PRKCD: variants seen among roughly 807,000 people sequenced by gnomAD.
PRKCD encodes the protein protein kinase C delta type.
PRKCD carries 20 observed loss-of-function variants against 82.2 expected under a neutral mutation model. The observed-to-expected ratio is 0.24, with a 90% CI of 0.17 to 0.35. The LOEUF (loss-of-function observed/expected upper bound fraction) is 0.35. Ranked by LOEUF, PRKCD falls within the 10% of genes least tolerant of loss-of-function variation. The pLI, the probability that PRKCD is intolerant of heterozygous loss-of-function variation, is 1.00. For missense variants in PRKCD, 607 were observed against 899.0 expected (o/e 0.68, Z 4.15); for synonymous variants, 317 against 337.0 (o/e 0.94, Z 0.65).
intron 9 of PRKCD, among the ~76,000 whole-genome samples, chr3:53,184,544 G>A (rs553978904): frequency 7.9e-5 from 12 of 151,728 alleles, no homozygotes; most frequent in South Asian, 2.1e-4. Context: ...ATATGGTGGC[G>A]CATGCCTGTA....
At position 53,178,408 on chromosome 3, in the gene PRKCD, A is replaced by C. The variant is rs571690198; in HGVS notation, c.-15A>C. The C allele has an allele frequency of 2.5e-6, 4 of 1,606,724 alleles. No homozygotes were observed. The highest frequency in any genetic ancestry group is 4.5e-5 in the East Asian group (2 of 44,798). Reference sequence around the variant, plus strand: ...CTCACCCCTCTGTGTGCACAGCCCCACTGCAGGCCCCACCATGGCGCCGTT... The same window carrying C: ...CTCACCCCTCTGTGTGCACAGCCCCCCTGCAGGCCCCACCATGGCGCCGTT... On this transcript the variant is annotated 5_prime_UTR_variant, in exon 3 of 19. Coordinates refer to ENST00000330452, the MANE Select transcript of PRKCD (RefSeq NM_006254.4).
At chr3:53,168,413 C>G (rs1553664243) in intron 2 of PRKCD, among the ~76,000 whole-genome samples, 4 of 151,956 alleles carry the variant, frequency 2.6e-5, no homozygotes, top group Non-Finnish European at 5.9e-5. Flanking sequence ...GACAGTGATG[C>G]AAACAGCAGG....
intron 2 of PRKCD, among the ~76,000 whole-genome samples, chr3:53,170,464 A>ATTGCCAC (rs1553664656): frequency 4.6e-5 from 7 of 152,180 alleles, no homozygotes; most frequent in African/African-American, 1.7e-4. Context: ...CAGGCCTGTG[A>ATTGCCAC]CTGCCACCTG....
chr3:53,168,900 GGGCAATGGGA>G (rs1269274827), intron 2 of PRKCD, among the ~76,000 whole-genome samples: 1 of 151,442 alleles, frequency 6.6e-6, no homozygotes, highest in Non-Finnish European at 1.5e-5. Context: ...CTTGTCAGAG[GGGCAATGGGA>G]GGCACTGGGG....
chr3:53,186,942 A>G, intron 14 of PRKCD, among the ~76,000 whole-genome samples: 1 of 152,216 alleles, frequency 6.6e-6, no homozygotes, highest in Non-Finnish European at 1.5e-5. Context: ...CGTGGGCCAC[A>G]GCCAGGGCAG....
At position 53,184,985 on chromosome 3, in the gene PRKCD, G is replaced by A. The variant is rs782414501; in HGVS notation, c.888+11G>A. ...AACCAAGTCACCCAGGTGGGCAGGT[G>A]CCATGGGGACCCTGGACACAGGGCA... On this transcript the variant is annotated intron_variant, in intron 10 of 18. Coordinates refer to ENST00000330452, the MANE Select transcript of PRKCD (RefSeq NM_006254.4). The A allele has an allele frequency of 6.2e-6, 10 of 1,612,426 alleles. No individual in the cohort carries two copies. In the African/African-American group the frequency reaches 1.3e-4, roughly 22 times the overall value.
At chr3:53,174,711 C>T (rs1703157410) in intron 2 of PRKCD, among the ~76,000 whole-genome samples, 1 of 152,134 alleles carries the variant, frequency 6.6e-6, no homozygotes, top group Non-Finnish European at 1.5e-5. Context: ...GAGTTGGTGG[C>T]AGAACCTGGC....
intron 2 of PRKCD, among the ~76,000 whole-genome samples, chr3:53,177,950 T>TTC (rs34431814): frequency 0.17 from 24,578 of 146,150 alleles, 2,374 homozygotes; most frequent in East Asian, 0.43. Flanking sequence ...CTTTTTCTTT[T>TTC]TTTTTTTTTT....
chr3:53,192,315 G>A lies in PRKCD; in HGVS notation c.*49G>A, dbSNP rs1389308499. The A allele has an allele frequency of 7.5e-6, 12 of 1,593,002 alleles. No homozygotes were observed. Among genetic ancestry groups the A allele is most frequent in the Admixed American group, 1.7e-5 (1 of 59,652 alleles). ...CCCTGCCCTCCACCCACACCTGCCCGCTCCCCACGATAAGCACCAGTGGGA... is the reference window on the plus strand; with the variant it reads ...CCCTGCCCTCCACCCACACCTGCCCACTCCCCACGATAAGCACCAGTGGGA... On this transcript the variant is annotated 3_prime_UTR_variant, in exon 19 of 19. Transcript: ENST00000330452.
chr3:53,177,909 C>T (rs554044142), intron 2 of PRKCD, among the ~76,000 whole-genome samples: 1 of 151,758 alleles, frequency 6.6e-6, no homozygotes, highest in East Asian at 1.9e-4. Flanking sequence ...CAAATCCAGA[C>T]TTACATAAAC....
chr3:53,185,710 G>T lies in PRKCD; in HGVS notation c.985+10G>T, dbSNP rs781842377. ...GGGGAGGACATGCAAGGTGAAGCTGGGTCCATTGCCCCATTACGGTTTTTA... is the reference window on the plus strand; with the variant it reads ...GGGGAGGACATGCAAGGTGAAGCTGTGTCCATTGCCCCATTACGGTTTTTA... On this transcript the variant is annotated intron_variant, in intron 11 of 18. Transcript: ENST00000330452. 5 of 1,611,442 alleles carry T rather than the reference G, an allele frequency of 3.1e-6. No homozygotes were observed. The highest frequency in any genetic ancestry group is 1.3e-5 in the African/African-American group (1 of 74,904).
intron 17 of PRKCD, 37 bp from the exon 18 acceptor site, chr3:53,189,836 C>T (rs1703856969): frequency 6.2e-7 from 1 of 1,613,176 alleles, no homozygotes; most frequent in Non-Finnish European, 8.5e-7. Context: ...TTTCCCATGG[C>T]CCTTGGGTGC....
At chr3:53,181,133 G>C (rs1703423529) in intron 4 of PRKCD, 74 bp from the exon 5 acceptor site, 21 of 1,517,406 alleles carry the variant, frequency 1.4e-5, no homozygotes, top group Non-Finnish European at 1.9e-5. Flanking sequence ...AGCCATGGGG[G>C]TGGGTTCTGA....
At chr3:53,166,840 C>T (rs1250604286) in intron 2 of PRKCD, among the ~76,000 whole-genome samples, 1 of 152,262 alleles carries the variant, frequency 6.6e-6, no homozygotes, top group African/African-American at 2.4e-5. Context: ...CCCCAGGCTC[C>T]AGGCCGACCA....
chr3:53,173,729 C>T (rs3773723), intron 2 of PRKCD: 89,198 of 151,996 alleles, frequency 0.59, 27,364 homozygotes, highest in East Asian at 0.75. Context: ...ATCTGCTCAC[C>T]TCAGCCTCCC....
intron 1 of PRKCD, among the ~76,000 whole-genome samples, chr3:53,161,883 C>T (rs1306091549): frequency 3.6e-5 from 5 of 140,588 alleles, no homozygotes; most frequent in Admixed American, 3.5e-4. Context: ...CCCCCGCCCG[C>T]CGCCCCCTCG....
At position 53,188,990 on chromosome 3, in the gene PRKCD, G is replaced by A. The variant is rs1460424771; in HGVS notation, c.1555-68G>A. On this transcript the variant is annotated intron_variant, in intron 16 of 18. Transcript: ENST00000330452. ...GGCTGAGGCGGCCTGGCTAGGCTTC[G>A]TGCCCAGGGGCCCCTCTCAGCCTCA... The A allele has an allele frequency of 5.1e-6, 8 of 1,570,340 alleles. No individual in the cohort carries two copies. In the African/African-American group the frequency reaches 5.4e-5, roughly 11 times the overall value.
At chr3:53,182,773 C>T (rs1201573157) in intron 7 of PRKCD, among the ~76,000 whole-genome samples, 2 of 152,234 alleles carry the variant, frequency 1.3e-5, no homozygotes, top group East Asian at 3.9e-4. Context: ...TAAGAGAGGG[C>T]ATTTAGGAGC....
intron 2 of PRKCD, among the ~76,000 whole-genome samples, chr3:53,177,739 C>T (rs1368786713): frequency 6.6e-6 from 1 of 151,916 alleles, no homozygotes; most frequent in Non-Finnish European, 1.5e-5. Flanking sequence ...AAATGAATAT[C>T]TAGGGGTGAC....
Sources: gnomAD v4.1 joint callset for allele counts (sites outside exome capture counted in the v4.1 genomes callset) on GRCh38, gnomAD v4.1.1 for gene constraint, MANE v1.5 for transcripts, NCBI Gene and HGNC (gene_info 2026-07-23, HGNC 2026-07-21) for gene names.